The following RHPN2 variants were observed in gnomAD, a reference collection of about 807,000 sequenced individuals.
The protein encoded by RHPN2 is rhophilin-2.
A neutral mutation model predicts 79.0 loss-of-function variants in RHPN2; 40 were observed. That is an observed-to-expected ratio of 0.51 (90% CI 0.39 to 0.66). RHPN2 has a LOEUF of 0.66. Among genes scored for constraint, RHPN2 ranks in the 30% least tolerant of loss-of-function variants. RHPN2 has a pLI of 0.00. For missense variants in RHPN2, 686 were observed against 883.5 expected, an observed-to-expected ratio of 0.78 and a Z score of 2.83; for synonymous variants, 285 against 363.5, an observed-to-expected ratio of 0.78 and a Z score of 2.46.
intron 1 of RHPN2, among the ~76,000 whole-genome samples, chr19:33,053,476 T>G (rs1972206150): frequency 1.3e-5 from 2 of 149,562 alleles, no homozygotes; most frequent in Admixed American, 1.4e-4. Context: ...CAGGCTGGAG[T>G]GCAGTGGTGC....
At chr19:32,980,594 G>A (rs900228156) in intron 14 of RHPN2, among the ~76,000 whole-genome samples, 7 of 152,160 alleles carry the variant, frequency 4.6e-5, no homozygotes, top group Non-Finnish European at 7.3e-5. Flanking sequence ...GACAGAGCAG[G>A]ATTCTGTCTC....
At chr19:33,051,287 G>A (rs568019236) in intron 1 of RHPN2, among the ~76,000 whole-genome samples, 1 of 152,198 alleles carries the variant, frequency 6.6e-6, no homozygotes, top group East Asian at 1.9e-4. Context: ...CCACCGCACT[G>A]GCCTAGAGTG....
intron 1 of RHPN2, among the ~76,000 whole-genome samples, chr19:33,054,922 A>C (rs1972219682): frequency 6.6e-6 from 1 of 152,196 alleles, no homozygotes. Context: ...TGTTTCTGCC[A>C]GGGGATACCT....
At chr19:33,020,428 C>A (rs922530709) in intron 4 of RHPN2, among the ~76,000 whole-genome samples, 5 of 147,174 alleles carry the variant, frequency 3.4e-5, no homozygotes, top group Non-Finnish European at 7.4e-5. Context: ...TGGGTTCAAG[C>A]GACTCTCTCG....
chr19:33,062,826 A>G (rs939634145), intron 1 of RHPN2, among the ~76,000 whole-genome samples: 5 of 151,366 alleles, frequency 3.3e-5, no homozygotes, highest in Admixed American at 2.6e-4. Flanking sequence ...AAAACACCCA[A>G]CTGTGCACCT....
intron 14 of RHPN2, among the ~76,000 whole-genome samples, chr19:32,986,673 A>G (rs945143175): frequency 6.6e-6 from 1 of 151,708 alleles, no homozygotes; most frequent in Non-Finnish European, 1.5e-5. Flanking sequence ...GCCCACCTAT[A>G]ATCCCAGTCA....
In RHPN2 at chr19:32,991,013, T is replaced by TAA. The variant is rs1212027711; in HGVS notation, c.1645-346_1645-345dup. On this transcript the variant is annotated intron_variant, in intron 13 of 14. Coordinates refer to ENST00000254260, the MANE Select transcript of RHPN2 (RefSeq NM_033103.5). ...CACTGCCCTCCAGCCTGGGTGCAAT[T>TAA]AAAAAAAAAAAAAAAAAGCCAAAAT... Among the ~76,000 whole-genome samples, 8 of 109,240 alleles carry TAA rather than the reference T, an allele frequency of 7.3e-5. No homozygotes were observed. In the East Asian group the frequency reaches 7.7e-4, roughly 10 times the overall value. 71.7% of individuals were successfully genotyped at this position (109,240 alleles called of 152,430 possible).
At position 33,025,328 on chromosome 19, in the gene RHPN2, A is replaced by AAC. The variant is rs1491063628; in HGVS notation, c.314+1174_314+1175dup. On this transcript the variant is annotated intron_variant, in intron 3 of 14. Coordinates refer to ENST00000254260, the MANE Select transcript of RHPN2 (RefSeq NM_033103.5). Reference sequence around the variant, plus strand: ...TCTCTACTTAAAAAAAAAAAAAAAAAACAATTAGCCAAGTGTGATGGTGCG... The same window carrying AAC: ...TCTCTACTTAAAAAAAAAAAAAAAAAACACAATTAGCCAAGTGTGATGGTGCG... Among the ~76,000 whole-genome samples, 10 of 151,250 alleles carry AAC rather than the reference A, an allele frequency of 6.6e-5. No individual in the cohort carries two copies. In the South Asian group the frequency reaches 2.1e-3, roughly 32 times the overall value.
At chr19:33,040,378 G>A (rs1281548602) in intron 2 of RHPN2, among the ~76,000 whole-genome samples, 4 of 151,404 alleles carry the variant, frequency 2.6e-5, no homozygotes, top group East Asian at 2.0e-4. Flanking sequence ...CTGGGATTAC[G>A]GGCACGTGCC....
At position 32,993,944 on chromosome 19, in the gene RHPN2, A is replaced by T. The variant is rs200888231; in HGVS notation, c.1497+33T>A. On this transcript the variant is annotated intron_variant, in intron 12 of 14. Transcript: ENST00000254260. The stretch of plus-strand genomic sequence containing the variant: ...CGCCAAAGTGAAGAGCTGTCCCCTT[A>T]GGTCATTTGAATGTAGAGAGCATTC... 95 of 1,506,282 alleles carry T rather than the reference A, an allele frequency of 6.3e-5. No homozygotes were observed. In the East Asian group the frequency reaches 2.1e-3, roughly 34 times the overall value. The allele number at this position is 1,506,282 out of a possible 1,614,324, so 93.3% of individuals were successfully genotyped here. A position where few individuals can be genotyped will look rare whatever the true frequency, so the allele number is the denominator to read the frequency against.
At position 32,999,643 on chromosome 19, in the gene RHPN2, G is replaced by A; in HGVS notation, c.1168C>T (p.Pro390Ser). Residue 390 changes from proline (P) to serine (S), a missense_variant, in exon 10 of 15, where the codon CCA (proline) becomes TCA (serine). By Grantham distance (74) the Pro-to-Ser change is moderately conservative. Coordinates refer to ENST00000254260, the MANE Select transcript of RHPN2 (RefSeq NM_033103.5). ...KCLSQLYDHM[P>S]EGLTPLATLK... ...GTGGCCAAGGGTGTCAGCCCCTCTG[G>A]CATGTGGTCGTAGAGCTGGGACAGG... 4.3e-6 allele frequency: 7 copies of A among 1,613,248 alleles called. No individual in the cohort carries two copies. Among genetic ancestry groups the A allele is most frequent in the East Asian group, 2.2e-5 (1 of 44,810 alleles).
chr19:33,060,851 G>A lies in RHPN2; in HGVS notation c.69+3933C>T, dbSNP rs377435021. Among the ~76,000 whole-genome samples the A allele has an allele frequency of 2.4e-4, 37 of 152,260 alleles. No individual in the cohort carries two copies. In the South Asian group the frequency reaches 7.7e-3, roughly 32 times the overall value. On this transcript the variant is annotated intron_variant, in intron 1 of 14. Transcript: ENST00000254260. ...CCCACTCACAGCACTGTCACTGACTGCATCATCAGTAGTCCGTAAAAGAGA... is the reference window on the plus strand; with the variant it reads ...CCCACTCACAGCACTGTCACTGACTACATCATCAGTAGTCCGTAAAAGAGA...
intron 1 of RHPN2, among the ~76,000 whole-genome samples, chr19:33,058,205 G>A (rs374017425): frequency 2.6e-5 from 4 of 152,056 alleles, no homozygotes; most frequent in East Asian, 1.9e-4. Context: ...AAGCATGGCC[G>A]GAGCCATCCC....
intron 10 of RHPN2, among the ~76,000 whole-genome samples, chr19:32,998,434 G>A (rs1239395811): frequency 6.6e-6 from 1 of 152,088 alleles, no homozygotes; most frequent in African/African-American, 2.4e-5. Flanking sequence ...CTGGAGGCCA[G>A]GAGTTCAAAA....
At chr19:33,019,585 A>AAAAG (rs757659454) in intron 4 of RHPN2, among the ~76,000 whole-genome samples, 1 of 150,254 alleles carries the variant, frequency 6.7e-6, no homozygotes, top group Non-Finnish European at 1.5e-5. Context: ...ATCTCAATAA[A>AAAAG]AAAGAAAGAA....
chr19:33,064,755 T>TGGGCC (rs2145279481), intron 1 of RHPN2, 29 bp downstream of exon 1: 479 of 1,426,786 alleles, frequency 3.4e-4, no homozygotes, highest in Non-Finnish European at 4.2e-4. Context: ...AGCCCGCAGG[T>TGGGCC]CCCCGCCCGC....
At chr19:33,019,712 C>A (rs145762287) in intron 4 of RHPN2, among the ~76,000 whole-genome samples, 1 of 151,616 alleles carries the variant, frequency 6.6e-6, no homozygotes, top group African/African-American at 2.4e-5. Context: ...TGCAGTGAGC[C>A]GAGATCATGC....
At chr19:33,055,490 G>C (rs1360081856) in intron 1 of RHPN2, among the ~76,000 whole-genome samples, 1 of 152,050 alleles carries the variant, frequency 6.6e-6, no homozygotes, top group Non-Finnish European at 1.5e-5. Flanking sequence ...CAAGGGGATG[G>C]ATCTAAACAG....
At chr19:33,011,460 C>A (rs1241182387) in intron 6 of RHPN2, among the ~76,000 whole-genome samples, 1 of 152,154 alleles carries the variant, frequency 6.6e-6, no homozygotes, top group East Asian at 1.9e-4. Flanking sequence ...TTCTGAGAAG[C>A]AAGAGGCCAC....
Sources: gnomAD v4.1 joint callset for allele counts (sites outside exome capture counted in the v4.1 genomes callset) on GRCh38, gnomAD v4.1.1 for gene constraint, MANE v1.5 for transcripts, NCBI Gene and HGNC (gene_info 2026-07-23, HGNC 2026-07-21) for gene names.